Variants in EPHB2 observed in about 807,000 individuals in gnomAD.
EPHB2 encodes the protein ephrin type-B receptor 2.
A neutral mutation model predicts 96.4 loss-of-function variants in EPHB2; 18 were observed. The observed-to-expected ratio is 0.19, with a 90% CI of 0.13 to 0.28. The LOEUF (loss-of-function observed/expected upper bound fraction) is 0.28. Among genes scored for constraint, EPHB2 ranks in the 10% least tolerant of loss-of-function variants. The pLI, the probability that EPHB2 is intolerant of heterozygous loss-of-function variation, is 1.00. For missense variants in EPHB2, 989 were observed against 1,355.4 expected (o/e 0.73, Z 4.25); for synonymous variants, 506 against 534.1 (o/e 0.95, Z 0.72).
chr1:22,831,552 A>C (rs1179624181), intron 3 of EPHB2, among the ~76,000 whole-genome samples: 1 of 151,998 alleles, frequency 6.6e-6, no homozygotes, highest in Non-Finnish European at 1.5e-5. Flanking sequence ...TGGATGAAGA[A>C]ACTGAGGCTC....
At chr1:22,711,781 C>T (rs1643155013) in intron 1 of EPHB2, among the ~76,000 whole-genome samples, 1 of 152,176 alleles carries the variant, frequency 6.6e-6, no homozygotes, top group Admixed American at 6.5e-5. Flanking sequence ...CAGCTGCCGC[C>T]GGGGCCGGAC....
intron 4 of EPHB2, among the ~76,000 whole-genome samples, chr1:22,864,034 C>CTTTTTTTT (rs201727615): frequency 7.6e-6 from 1 of 131,158 alleles, no homozygotes; most frequent in African/African-American, 3.3e-5. Flanking sequence ...AGTTTCTGTT[C>CTTTTTTTT]TTTTTTTTTT....
chr1:22,873,424 A>G (rs1235880493), intron 5 of EPHB2, among the ~76,000 whole-genome samples: 1 of 152,152 alleles, frequency 6.6e-6, no homozygotes, highest in Non-Finnish European at 1.5e-5. Context: ...GCAGGCAGAC[A>G]CTCGCAAGGG....
intron 3 of EPHB2, among the ~76,000 whole-genome samples, chr1:22,828,776 G>A (rs547588047): frequency 8.5e-5 from 13 of 152,308 alleles, no homozygotes; most frequent in African/African-American, 2.4e-4. Context: ...GCACTAAGAC[G>A]ACTAGGCACA....
At chr1:22,763,585 G>A (rs1239362387) in intron 1 of EPHB2, among the ~76,000 whole-genome samples, 1 of 152,160 alleles carries the variant, frequency 6.6e-6, no homozygotes, top group Non-Finnish European at 1.5e-5. Flanking sequence ...TTTCTCAGCG[G>A]CAAGGAGTGA....
At chr1:22,739,179 T>C (rs895546822) in intron 1 of EPHB2, among the ~76,000 whole-genome samples, 2 of 152,196 alleles carry the variant, frequency 1.3e-5, no homozygotes, top group Middle Eastern at 3.4e-3. Context: ...TATATGGGAT[T>C]ACAGGCATTT....
intron 3 of EPHB2, among the ~76,000 whole-genome samples, chr1:22,786,395 C>T (rs1217556679): frequency 6.6e-6 from 1 of 152,174 alleles, no homozygotes. Flanking sequence ...TTGCATTCCC[C>T]ATTGGATTCA....
chr1:22,784,802 G>A lies in EPHB2; in HGVS notation c.537G>A (p.Gln179=), dbSNP rs1430260742. 6.2e-7 allele frequency: 1 copy of A among 1,603,222 alleles called. No homozygotes were observed. The highest frequency in any genetic ancestry group is 8.5e-7 in the Non-Finnish European group (1 of 1,173,230). The change falls in exon 3 of 16, where the codon CAG becomes CAA. Residue 179 remains glutamine (Q), a synonymous_variant. Coordinates refer to ENST00000374630, the MANE Select transcript of EPHB2 (RefSeq NM_017449.5). This position sits in a 1 kb window ranked among gnomAD's most constrained non-coding sequence, Gnocchi z 5.1. ...GCAGCGGCTTCTACCTGGCCTTCCAGGACTATGGCGGCTGCATGTCCCTCA... is the reference window on the plus strand; with the variant it reads ...GCAGCGGCTTCTACCTGGCCTTCCAAGACTATGGCGGCTGCATGTCCCTCA... ...VSRSGFYLAF[Q]DYGGCMSLIA... is the part of the protein sequence containing the mutation.
chr1:22,790,427 G>A lies in EPHB2; in HGVS notation c.811+5351G>A, dbSNP rs1644674403. 6.6e-6 allele frequency among the ~76,000 whole-genome samples: 1 copy of A among 152,168 alleles called. No individual in the cohort carries two copies. The highest frequency in any genetic ancestry group is 2.4e-5 in the African/African-American group (1 of 41,440). ...CCCCGCTGGGGCTTCCTGCCAGCAG[G>A]TCTGCTGGGAGTGGCAGAAGGTGTC... On this transcript the variant is annotated intron_variant, in intron 3 of 15. Coordinates refer to ENST00000374630, the MANE Select transcript of EPHB2 (RefSeq NM_017449.5). The surrounding 1 kb of genome is among the most constrained non-coding windows in gnomAD (Gnocchi z 4.0).
intron 3 of EPHB2, among the ~76,000 whole-genome samples, chr1:22,801,464 A>G (rs1417577955): frequency 6.6e-6 from 1 of 151,936 alleles, no homozygotes; most frequent in Non-Finnish European, 1.5e-5. Context: ...GAGAACTGCA[A>G]GGGCTTTGTC....
intron 3 of EPHB2, among the ~76,000 whole-genome samples, chr1:22,810,284 G>T (rs1354198596): frequency 2.6e-5 from 4 of 152,160 alleles, no homozygotes; most frequent in South Asian, 2.1e-4. Context: ...TGCAGCAGGG[G>T]CCCTGGGCTC....
At position 22,713,786 on chromosome 1, in the gene EPHB2, A is replaced by G. The variant is rs1406937476; in HGVS notation, c.61+2743A>G. Among the ~76,000 whole-genome samples the G allele has an allele frequency of 2.6e-5, 4 of 152,188 alleles. No individual in the cohort carries two copies. The East Asian group carries it at 7.7e-4, about 29-fold the overall frequency. ...GGGCTGTCCTGCCGGTTAAGTCCCCAGGAAATCCCCAGCTCCAGCCTTCGG... is the reference window on the plus strand; with the variant it reads ...GGGCTGTCCTGCCGGTTAAGTCCCCGGGAAATCCCCAGCTCCAGCCTTCGG... On this transcript the variant is annotated intron_variant, in intron 1 of 15. Coordinates refer to ENST00000374630, the MANE Select transcript of EPHB2 (RefSeq NM_017449.5).
chr1:22,718,362 G>A (rs996376771), intron 1 of EPHB2, among the ~76,000 whole-genome samples: 6 of 150,340 alleles, frequency 4.0e-5, no homozygotes, highest in Non-Finnish European at 5.9e-5. Context: ...CCATGATCAT[G>A]GGAATGGCTG....
rs779007457 is a variant in EPHB2, at chr1:22,865,091, C to T, written c.1182C>T (p.Tyr394=). 7.4e-6 allele frequency: 12 copies of T among 1,614,266 alleles called. No individual in the cohort carries two copies. In the South Asian group the frequency reaches 1.1e-4, roughly 15 times the overall value. Residue 394 remains tyrosine (Y), a synonymous_variant, in exon 5 of 16, where the codon TAC becomes TAT. Coordinates refer to ENST00000374630, the MANE Select transcript of EPHB2 (RefSeq NM_017449.5). ...RQLGLTEPRI[Y]ISDLLAHTQY... is the part of the protein sequence containing the mutation. Reference sequence around the variant, plus strand: ...TAGGCCTGACCGAGCCACGCATTTACATCAGTGACCTGCTGGCCCACACCC... The same window carrying T: ...TAGGCCTGACCGAGCCACGCATTTATATCAGTGACCTGCTGGCCCACACCC...
At chr1:22,897,495 C>T (rs1258592349) in intron 9 of EPHB2, among the ~76,000 whole-genome samples, 3 of 152,102 alleles carry the variant, frequency 2.0e-5, no homozygotes, top group Admixed American at 6.5e-5. Context: ...GATCCCAGCA[C>T]CTGGTCATAA....
At chr1:22,768,122 G>A (rs548866085) in intron 1 of EPHB2, among the ~76,000 whole-genome samples, 1 of 152,304 alleles carries the variant, frequency 6.6e-6, no homozygotes, top group South Asian at 2.1e-4. Context: ...GAGGGATGCA[G>A]GCATTCTGGA....
intron 3 of EPHB2, among the ~76,000 whole-genome samples, chr1:22,807,535 G>T (rs1644944036): frequency 2.0e-5 from 3 of 152,170 alleles, no homozygotes. Flanking sequence ...AAGGTCAGCT[G>T]GTCCAGCTCC....
intron 14 of EPHB2, among the ~76,000 whole-genome samples, chr1:22,911,143 A>ATAATAAAT (rs1553178181): frequency 1.5e-5 from 2 of 133,778 alleles, no homozygotes; most frequent in Admixed American, 1.4e-4. Flanking sequence ...TCCATCTAAA[A>ATAATAAAT]AAATAAATAA....
rs1638221270 is a variant in EPHB2 at position 22,860,829 on chromosome 1, G to A, written c.812-2208G>A. Among the ~76,000 whole-genome samples, 1 of 152,170 alleles carries A rather than the reference G, an allele frequency of 6.6e-6. No individual in the cohort carries two copies. Among genetic ancestry groups the A allele is most frequent in the Non-Finnish European group, 1.5e-5 (1 of 68,020 alleles). On this transcript the variant is annotated intron_variant, in intron 3 of 15. Transcript: ENST00000374630. This position sits in a 1 kb window ranked among gnomAD's most constrained non-coding sequence, Gnocchi z 4.6. ...TCGACCAGAGCTGGGGCTGCAGCCT[G>A]CATGTCCTGACTGCCCAGAAGCTCT...
Sources: allele counts gnomAD v4.1 joint callset (sites outside exome capture counted in the v4.1 genomes callset), GRCh38; gene constraint gnomAD v4.1.1; non-coding constraint Gnocchi (gnomAD v3.1); transcripts MANE v1.5; gene names NCBI Gene and HGNC (gene_info 2026-07-23, HGNC 2026-07-21).